MYH11: variants seen among roughly 807,000 people sequenced by gnomAD.
MYH11 encodes myosin heavy chain 11.
A neutral mutation model predicts 246.6 loss-of-function variants in MYH11; 80 were observed. The observed-to-expected ratio is 0.32, with a 90% CI of 0.27 to 0.39. The LOEUF (loss-of-function observed/expected upper bound fraction) is 0.39. Among genes scored for constraint, MYH11 ranks in the 10% least tolerant of loss-of-function variants. The pLI is 1.00. For missense variants in MYH11, 2,158 were observed against 2,546.8 expected, an observed-to-expected ratio of 0.85 and a Z score of 3.29; for synonymous variants, 1,071 against 1,015.5, an observed-to-expected ratio of 1.05 and a Z score of -1.04.
At chr16:15,732,122 C>T (rs527575935) in intron 27 of MYH11, among the ~76,000 whole-genome samples, 1 of 151,982 alleles carries the variant, frequency 6.6e-6, no homozygotes, top group Non-Finnish European at 1.5e-5. Flanking sequence ...CCACCGCGCC[C>T]GGCTAATTTT....
chr16:15,741,657 T>C lies in MYH11; in HGVS notation c.2665A>G (p.Lys889Glu). The C allele has an allele frequency of 6.2e-7, 1 of 1,613,744 alleles. No homozygotes were observed. Among genetic ancestry groups the C allele is most frequent in the Non-Finnish European group, 8.5e-7 (1 of 1,180,006 alleles). ...EQKHSQLTEE[K>E]NLLQEQLQAE... ...TGCAGCTGTTCCTGTAGCAGGTTCTTCTCCTCGGTCAGCTGCACGCAGGTG... is the reference window on the plus strand; with the variant it reads ...TGCAGCTGTTCCTGTAGCAGGTTCTCCTCCTCGGTCAGCTGCACGCAGGTG... The change falls in exon 22 of 41, where the codon AAG (lysine) becomes GAG (glutamate). Residue 889 changes from lysine (K) to glutamate (E), a missense_variant. By Grantham distance (56) the Lys-to-Glu change is moderately conservative. This residue lies in a region of MYH11 where 284 missense variants were observed against 315.4 expected (regional missense o/e 0.90). Coordinates refer to ENST00000300036, the MANE Select transcript of MYH11 (RefSeq NM_002474.3).
At chr16:15,741,912 C>T in intron 20 of MYH11, 21 bp from the exon 21 acceptor site, 1 of 1,614,092 alleles carries the variant, frequency 6.2e-7, no homozygotes, top group East Asian at 2.2e-5. Flanking sequence ...ACGGTTAGCC[C>T]ATCATTTGTT....
chr16:15,856,136 C>A (rs572602615), intron 1 of MYH11, among the ~76,000 whole-genome samples: 1 of 151,994 alleles, frequency 6.6e-6, no homozygotes, highest in Non-Finnish European at 1.5e-5. Flanking sequence ...TTACCTAACG[C>A]ACCTGCAGAT....
At chr16:15,760,239 T>A (rs1271019727) in intron 11 of MYH11, among the ~76,000 whole-genome samples, 8 of 151,368 alleles carry the variant, frequency 5.3e-5, no homozygotes. Flanking sequence ...GACAGCTGGA[T>A]GGGTGATGGA....
chr16:15,751,261 A>G (rs1348710930), intron 15 of MYH11, among the ~76,000 whole-genome samples: 1 of 151,940 alleles, frequency 6.6e-6, no homozygotes, highest in Non-Finnish European at 1.5e-5. Flanking sequence ...CCCGGGTTCC[A>G]GCAATTCTCC....
intron 1 of MYH11, among the ~76,000 whole-genome samples, chr16:15,852,730 T>A (rs541304459): frequency 3.8e-4 from 58 of 152,270 alleles, no homozygotes; most frequent in Non-Finnish European, 7.8e-4. Flanking sequence ...GAATTTATCC[T>A]ACAGATAAAT....
chr16:15,831,396 AGGTAG>A (rs2043731737), intron 2 of MYH11, among the ~76,000 whole-genome samples: 2 of 151,930 alleles, frequency 1.3e-5, no homozygotes, highest in African/African-American at 4.8e-5. Flanking sequence ...AAAAACTATA[AGGTAG>A]GGTTAAGTGG....
chr16:15,740,309 A>G, intron 22 of MYH11, 121 bp from the exon 23 acceptor site: 1 of 1,482,408 alleles, frequency 6.7e-7, no homozygotes, highest in Non-Finnish European at 9.3e-7. Context: ...GTAGCCTCCT[A>G]AAAGGAAGAA....
rs536872180 is a variant in MYH11 at position 15,750,864 on chromosome 16, G to A, written c.1865-533C>T. On this transcript the variant is annotated intron_variant, in intron 15 of 40. Transcript: ENST00000300036. This position sits in a 1 kb window ranked among gnomAD's most constrained non-coding sequence, Gnocchi z 4.3. The stretch of plus-strand genomic sequence containing the variant: ...AAGGAGACAGACAGAGATCACAGAT[G>A]TTAAGTATGGAATATCTTGAGTAGT... Among the ~76,000 whole-genome samples the A allele has an allele frequency of 5.3e-5, 8 of 152,256 alleles. No homozygotes were observed. In the South Asian group the frequency reaches 1.5e-3, roughly 28 times the overall value.
chr16:15,780,466 T>G (rs940271403), intron 6 of MYH11, among the ~76,000 whole-genome samples: 1 of 143,426 alleles, frequency 7.0e-6, no homozygotes, highest in Non-Finnish European at 1.5e-5. Flanking sequence ...TGACTTTAGA[T>G]TTTTACGCTT....
chr16:15,758,949 G>C (rs138409007), intron 12 of MYH11, among the ~76,000 whole-genome samples: 227 of 146,760 alleles, frequency 1.5e-3, no homozygotes, highest in African/African-American at 4.4e-3. Context: ...GGGCGACAGA[G>C]CAAGACTCTG....
intron 37 of MYH11, 155 bp from the exon 38 acceptor site, chr16:15,717,503 G>T: frequency 1.4e-6 from 1 of 739,630 alleles, no homozygotes; most frequent in Non-Finnish European, 2.2e-6. Context: ...CCACTCAAGA[G>T]CTTCTTCCAG....
At position 15,726,441 on chromosome 16, in the gene MYH11, G is replaced by A. The variant is rs1012261837; in HGVS notation, c.3858+407C>T. The A allele has an allele frequency of 6.1e-5, 18 of 293,800 alleles. No homozygotes were observed. The East Asian group carries it at 7.4e-4, about 12-fold the overall frequency. 18.2% of individuals were successfully genotyped at this position (293,800 alleles called of 1,614,324 possible). A position where few individuals can be genotyped will look rare whatever the true frequency, so the allele number is the denominator to read the frequency against. ...GCTGGAGTACAATGGTGCGGTCTCC[G>A]CACACTGCAACCTCTGCCTCCTGGG... On this transcript the variant is annotated intron_variant, in intron 28 of 40. Coordinates refer to ENST00000300036, the MANE Select transcript of MYH11 (RefSeq NM_002474.3).
chr16:15,812,530 AAC>A (rs1398383809), intron 3 of MYH11, among the ~76,000 whole-genome samples: 1 of 131,294 alleles, frequency 7.6e-6, no homozygotes, highest in Non-Finnish European at 1.6e-5. Context: ...CAGCCTGGGC[AAC>A]ACAGTAAGAT....
intron 8 of MYH11, among the ~76,000 whole-genome samples, chr16:15,773,475 G>A (rs1010702333): frequency 5.3e-5 from 8 of 151,788 alleles, no homozygotes; most frequent in Middle Eastern, 3.2e-3. Context: ...TAGTAGAGAC[G>A]GGGTTTCATC....
chr16:15,743,357 T>G (rs981052508), intron 20 of MYH11, among the ~76,000 whole-genome samples: 1 of 152,100 alleles, frequency 6.6e-6, no homozygotes, highest in African/African-American at 2.4e-5. Context: ...TCAGTAGAGA[T>G]AGGGTTTCGC....
rs1596967338 is a variant in MYH11 at position 15,855,865 on chromosome 16, G to A, written c.-18+1076C>T. On this transcript the variant is annotated intron_variant, in intron 1 of 40. Transcript: ENST00000300036. Reference sequence around the variant, plus strand: ...GCATTCTTTTTGCCAAACCCCGGACGGACAGTTCACCATTTAATCTCTCAG... The same window carrying A: ...GCATTCTTTTTGCCAAACCCCGGACAGACAGTTCACCATTTAATCTCTCAG... Among the ~76,000 whole-genome samples, 4 of 152,178 alleles carry A rather than the reference G, an allele frequency of 2.6e-5. No individual in the cohort carries two copies. In the South Asian group the frequency reaches 6.2e-4, roughly 24 times the overall value.
Position 15,720,838 on chromosome 16 carries a change from C to T in MYH11, c.4791+1G>A, listed in dbSNP as rs111374077. On this transcript the variant is annotated splice_donor_variant, in intron 33 of 40. Transcript: ENST00000300036. LOFTEE classifies it high-confidence loss of function. Reference sequence around the variant, plus strand: ...CTGCTGGCCTCCCCGGCAGCACGCACCTGTCTCTGCAGTTGCCTCCTCTTC... The same window carrying T: ...CTGCTGGCCTCCCCGGCAGCACGCATCTGTCTCTGCAGTTGCCTCCTCTTC... 1 of 1,613,370 alleles carries T rather than the reference C, an allele frequency of 6.2e-7. No individual in the cohort carries two copies. The highest frequency in any genetic ancestry group is 1.7e-5 in the Admixed American group (1 of 60,010).
intron 4 of MYH11, among the ~76,000 whole-genome samples, chr16:15,798,343 A>G (rs1306081202): frequency 6.6e-6 from 1 of 152,220 alleles, no homozygotes; most frequent in Non-Finnish European, 1.5e-5. Context: ...TTCTGCATAT[A>G]AAATCTTTAG....
Sources: allele counts gnomAD v4.1 joint callset (sites outside exome capture counted in the v4.1 genomes callset), GRCh38; gene constraint gnomAD v4.1.1; regional missense constraint gnomAD v4.1.1; non-coding constraint Gnocchi (gnomAD v3.1); transcripts MANE v1.5; gene names NCBI Gene and HGNC (gene_info 2026-07-23, HGNC 2026-07-21).